The following WWOX variants were observed in gnomAD, a reference collection of about 807,000 sequenced individuals.
WWOX encodes WW domain containing oxidoreductase, also known as WW domain-containing oxidoreductase.
WWOX carries 69 observed loss-of-function variants against 46.2 expected under a neutral mutation model. That is an observed-to-expected ratio of 1.49 (90% CI 1.23 to 1.82). The LOEUF (loss-of-function observed/expected upper bound fraction) is 1.82, where lower values mean the gene tolerates loss of function less well. Among genes scored for constraint, WWOX ranks in the 40% most tolerant of loss-of-function variants. The pLI is 0.00. For synonymous variants in WWOX, 359 were observed against 202.6 expected (o/e 1.77, Z -6.56); for missense variants, 919 against 542.6 (o/e 1.69, Z -6.89).
intron 4 of WWOX, among the ~76,000 whole-genome samples, chr16:78,137,254 C>T (rs958814641): frequency 6.6e-6 from 1 of 152,136 alleles, no homozygotes; most frequent in African/African-American, 2.4e-5. Flanking sequence ...GTGTCCACCC[C>T]CTAGTTTTCT....
At position 78,425,056 on chromosome 16, in the gene WWOX, G is replaced by C. The variant is rs1164465811; in HGVS notation, c.791+1G>C. On this transcript the variant is annotated splice_donor_variant, in intron 7 of 8. Coordinates refer to ENST00000566780, the MANE Select transcript of WWOX (RefSeq NM_016373.4). LOFTEE classifies it high-confidence loss of function. ...TTGTGGTCTCCTCAGAGTCCCATCG[G>C]TGGGTTTGAATTGCATATTTGTTCA... is the stretch of plus-strand genomic sequence containing the variant. The C allele has an allele frequency of 1.9e-6, 3 of 1,613,396 alleles. No homozygotes were observed. Among genetic ancestry groups the C allele is most frequent in the Admixed American group, 1.7e-5 (1 of 59,998 alleles).
intron 8 of WWOX, among the ~76,000 whole-genome samples, chr16:78,679,643 T>C (rs1480551559): frequency 6.6e-6 from 1 of 152,208 alleles, no homozygotes; most frequent in Non-Finnish European, 1.5e-5. Flanking sequence ...AGTAACAAGC[T>C]CCTATTCCTG....
chr16:78,154,485 C>CTTTTTTTT (rs557916068), intron 4 of WWOX, among the ~76,000 whole-genome samples: 1 of 77,786 alleles, frequency 1.3e-5, no homozygotes, highest in African/African-American at 5.3e-5. Context: ...AATCCTTGAT[C>CTTTTTTTT]TTTTTTTTTT....
At chr16:78,424,756 G>C in intron 6 of WWOX, 114 bp from the exon 7 acceptor site, 1 of 1,191,472 alleles carries the variant, frequency 8.4e-7, no homozygotes, top group Non-Finnish European at 1.2e-6. Context: ...AAGGAGCATG[G>C]ATTATCCTTG....
chr16:78,901,728 A>T lies in WWOX; in HGVS notation c.1057-309880A>T, dbSNP rs569740438. Among the ~76,000 whole-genome samples the T allele has an allele frequency of 5.3e-5, 8 of 152,310 alleles. No individual in the cohort carries two copies. The South Asian group carries it at 1.7e-3, about 32-fold the overall frequency. On this transcript the variant is annotated intron_variant, in intron 8 of 8. Coordinates refer to ENST00000566780, the MANE Select transcript of WWOX (RefSeq NM_016373.4). ...GGTCTTGAACTCCTGTGCTTAAGCG[A>T]TCCACCTGCCATGGTCTCCCAAAGT... is the stretch of plus-strand genomic sequence containing the variant.
intron 5 of WWOX, among the ~76,000 whole-genome samples, chr16:78,377,768 T>C (rs1219193119): frequency 6.6e-6 from 1 of 152,230 alleles, no homozygotes; most frequent in Non-Finnish European, 1.5e-5. Context: ...TGTCTAAGCA[T>C]TTTTAATAGT....
chr16:78,196,725 G>T (rs1411689365), intron 5 of WWOX, among the ~76,000 whole-genome samples: 2 of 152,120 alleles, frequency 1.3e-5, no homozygotes, highest in African/African-American at 4.8e-5. Context: ...CAGGCAGAGT[G>T]CTGTAATTAT....
intron 8 of WWOX, among the ~76,000 whole-genome samples, chr16:78,447,034 T>C (rs900563238): frequency 9.9e-5 from 15 of 152,204 alleles, no homozygotes; most frequent in African/African-American, 3.6e-4. Flanking sequence ...TGGCAGGATG[T>C]CTTATTTATG....
intron 8 of WWOX, among the ~76,000 whole-genome samples, chr16:78,705,979 G>A (rs1317672111): frequency 6.6e-6 from 1 of 150,978 alleles, no homozygotes; most frequent in Non-Finnish European, 1.5e-5. Context: ...GCGTACAGCA[G>A]TGACTCAGAT....
intron 5 of WWOX, among the ~76,000 whole-genome samples, chr16:78,370,841 T>C (rs921475495): frequency 1.1e-4 from 16 of 150,478 alleles, no homozygotes; most frequent in Non-Finnish European, 1.6e-4. Flanking sequence ...TCTCAGCCTA[T>C]TCTTGTTTGT....
At chr16:78,472,809 CAAAAAAAAA>C (rs756666392) in intron 8 of WWOX, among the ~76,000 whole-genome samples, 28 of 50,882 alleles carry the variant, frequency 5.5e-4, no homozygotes, top group African/African-American at 1.0e-3. Context: ...AACTCCATCT[CAAAAAAAAA>C]AAAAAAAAAA....
chr16:78,294,291 T>A (rs2079907360), intron 5 of WWOX, among the ~76,000 whole-genome samples: 2 of 152,094 alleles, frequency 1.3e-5, no homozygotes, highest in African/African-American at 4.8e-5. Flanking sequence ...AGTGCCGGGG[T>A]TGCAGATGCA....
At chr16:78,626,030 C>G (rs2046303131) in intron 8 of WWOX, among the ~76,000 whole-genome samples, 1 of 151,760 alleles carries the variant, frequency 6.6e-6, no homozygotes, top group Non-Finnish European at 1.5e-5. Flanking sequence ...TTGTTATTAA[C>G]TAAAGTCCAT....
At chr16:78,981,954 G>C (rs559961709) in intron 8 of WWOX, 8 of 152,276 alleles carry the variant, frequency 5.3e-5, no homozygotes, top group African/African-American at 1.9e-4. Flanking sequence ...TCCTGCTGGA[G>C]AGACCCTCCC....
intron 8 of WWOX, among the ~76,000 whole-genome samples, chr16:78,883,004 G>A (rs1398702238): frequency 6.6e-6 from 1 of 152,082 alleles, no homozygotes; most frequent in Non-Finnish European, 1.5e-5. Context: ...GGCTGCTCCC[G>A]ACACAAGGAA....
intron 8 of WWOX, among the ~76,000 whole-genome samples, chr16:78,762,563 C>T (rs1014997928): frequency 4.6e-5 from 7 of 152,204 alleles, no homozygotes; most frequent in Non-Finnish European, 8.8e-5. Flanking sequence ...ACACTGCTGC[C>T]ATGAGTCGAG....
intron 6 of WWOX, among the ~76,000 whole-genome samples, chr16:78,388,489 T>C (rs994775601): frequency 6.6e-6 from 1 of 151,370 alleles, no homozygotes; most frequent in Non-Finnish European, 1.5e-5. Context: ...CTACTAAAGA[T>C]ACAAAAAATT....
chr16:78,595,101 G>A (rs1027427879), intron 8 of WWOX, among the ~76,000 whole-genome samples: 1 of 152,214 alleles, frequency 6.6e-6, no homozygotes, highest in African/African-American at 2.4e-5. Context: ...GGCTGTGTTA[G>A]CAGAGGCAGT....
intron 8 of WWOX, among the ~76,000 whole-genome samples, chr16:78,763,712 G>T (rs2049851536): frequency 6.6e-6 from 1 of 152,132 alleles, no homozygotes; most frequent in Non-Finnish European, 1.5e-5. Flanking sequence ...TTGTTATTTG[G>T]TATTCACGAG....
Sources: gnomAD v4.1 joint callset for allele counts (sites outside exome capture counted in the v4.1 genomes callset) on GRCh38, gnomAD v4.1.1 for gene constraint, MANE v1.5 for transcripts, NCBI Gene and HGNC (gene_info 2026-07-23, HGNC 2026-07-21) for gene names.